The following IDE variants were observed in gnomAD, a reference collection of about 807,000 sequenced individuals.
IDE encodes insulin-degrading enzyme.
A neutral mutation model predicts 133.2 loss-of-function variants in IDE; 58 were observed. The observed-to-expected ratio is 0.44, with a 90% CI of 0.35 to 0.54. The LOEUF is 0.54. IDE is among the 20% of genes least tolerant of loss of function. IDE has a pLI of 0.00. For missense variants in IDE, 981 were observed against 1,234.0 expected, an observed-to-expected ratio of 0.79 and a Z score of 3.07; for synonymous variants, 396 against 421.3, an observed-to-expected ratio of 0.94 and a Z score of 0.73.
chr10:92,485,857 G>C (rs1446675310), intron 13 of IDE, among the ~76,000 whole-genome samples: 4 of 151,942 alleles, frequency 2.6e-5, no homozygotes, highest in Non-Finnish European at 5.9e-5. Flanking sequence ...CCAGAAGATG[G>C]TTTGAACCCA....
Position 92,489,647 on chromosome 10 carries a change from C to T in IDE, c.1533+846G>A, listed in dbSNP as rs112307342. Among the ~76,000 whole-genome samples the T allele has an allele frequency of 8.7e-3, 1,326 of 152,288 alleles. 21 individuals are homozygous for T. Among genetic ancestry groups the T allele is most frequent in the African/African-American group, 0.031 (1,268 of 41,556 alleles). On this transcript the variant is annotated intron_variant, in intron 12 of 24. Transcript: ENST00000265986. ...CCAGCACTAATTCATGGAAGATCAG[C>T]TTTCCTCTCAGTTTAGAGAGATGGA...
intron 4 of IDE, among the ~76,000 whole-genome samples, chr10:92,524,433 T>A (rs1225787649): frequency 3.9e-4 from 12 of 30,768 alleles, no homozygotes; most frequent in East Asian, 1.7e-3. Flanking sequence ...ATAATATATT[T>A]TATATAATAT....
intron 17 of IDE, 25 bp from the exon 18 acceptor site, chr10:92,470,370 T>G: frequency 6.8e-7 from 1 of 1,473,662 alleles, no homozygotes; most frequent in Non-Finnish European, 9.3e-7. Flanking sequence ...GAAGACATAG[T>G]GAGCGCTACC....
At chr10:92,515,180 A>C in intron 4 of IDE, 138 bp from the exon 5 acceptor site, 1 of 657,726 alleles carries the variant, frequency 1.5e-6, no homozygotes, top group South Asian at 2.2e-5. Flanking sequence ...ATTTATTTGA[A>C]TGTTAAGTGA....
chr10:92,559,447 A>AATACT (rs1476425927), intron 1 of IDE, among the ~76,000 whole-genome samples: 59 of 152,344 alleles, frequency 3.9e-4, no homozygotes, highest in African/African-American at 1.4e-3. Flanking sequence ...ACTAAAAAGG[A>AATACT]ATGAAGTACT....
rs769658337 is a variant in IDE, at chr10:92,547,238, TA to T, written c.99-9689del. Among the ~76,000 whole-genome samples the T allele has an allele frequency of 1.1e-3, 116 of 110,410 alleles. 1 individual carries two copies. Among genetic ancestry groups the T allele is most frequent in the Non-Finnish European group, 1.8e-3 (98 of 53,218 alleles). The allele number at this position is 110,410 out of a possible 152,430, so 72.4% of individuals were successfully genotyped here. ...ACAGGCATACGCCACCATGCCCGGC[TA>T]ATTTTTTGTATTTTTTTTTTTTTTT... is the stretch of plus-strand genomic sequence containing the variant. On this transcript the variant is annotated intron_variant, in intron 1 of 24. Transcript: ENST00000265986.
At chr10:92,561,383 T>C (rs1472215171) in intron 1 of IDE, among the ~76,000 whole-genome samples, 7 of 152,170 alleles carry the variant, frequency 4.6e-5, no homozygotes, top group Non-Finnish European at 8.8e-5. Context: ...ATAGTTGCCA[T>C]AAGGATCAAA....
chr10:92,573,063 G>A (rs1328435398), intron 1 of IDE: 5 of 985,312 alleles, frequency 5.1e-6, no homozygotes, highest in Admixed American at 6.1e-5. Context: ...ACCAGCAGGG[G>A]TTCAAATAAC....
chr10:92,531,893 G>T lies in IDE; in HGVS notation c.516C>A (p.Pro172=). The change falls in exon 4 of 25, where the codon CCC becomes CCA. Residue 172 remains proline (P), a synonymous_variant. Transcript: ENST00000265986. ...LDRFAQFFLC[P]LFDESCKDRE... ...TGTCTTTGCAACTTTCATCGAACAA[G>T]GGGCACAGAAAAAACTGTGCAAACC... 6.4e-7 allele frequency: 1 copy of T among 1,557,218 alleles called. No homozygotes were observed. Among genetic ancestry groups the T allele is most frequent in the Non-Finnish European group, 8.7e-7 (1 of 1,146,610 alleles).
chr10:92,487,439 A>G, intron 12 of IDE, 121 bp from the exon 13 acceptor site: 1 of 855,322 alleles, frequency 1.2e-6, no homozygotes, highest in Non-Finnish European at 1.8e-6. Context: ...ATTGTTTTCC[A>G]TCATATATAA....
intron 3 of IDE, among the ~76,000 whole-genome samples, chr10:92,532,561 T>C (rs1160255249): frequency 2.6e-5 from 4 of 152,194 alleles, no homozygotes; most frequent in Admixed American, 1.3e-4. Context: ...AAAATTTTAA[T>C]AAGCAGTGAT....
chr10:92,523,323 G>A (rs1032976115), intron 4 of IDE, among the ~76,000 whole-genome samples: 10 of 152,038 alleles, frequency 6.6e-5, no homozygotes, highest in Admixed American at 3.9e-4. Context: ...GGAAGCTGTA[G>A]TGAGCCGAGA....
chr10:92,565,230 C>A (rs1407820402), intron 1 of IDE, among the ~76,000 whole-genome samples: 1 of 138,462 alleles, frequency 7.2e-6, no homozygotes, highest in Non-Finnish European at 1.5e-5. Flanking sequence ...GGTGACAGAG[C>A]GAGACTCTGT....
At chr10:92,517,531 CAG>C (rs1249345299) in intron 4 of IDE, among the ~76,000 whole-genome samples, 2 of 152,196 alleles carry the variant, frequency 1.3e-5, no homozygotes, top group African/African-American at 4.8e-5. Context: ...CCTCAGCCTC[CAG>C]AGTAGCTGGG....
intron 13 of IDE, among the ~76,000 whole-genome samples, chr10:92,485,600 T>A (rs893976601): frequency 6.6e-6 from 1 of 152,114 alleles, no homozygotes; most frequent in South Asian, 2.1e-4. Flanking sequence ...GGAAGAGATA[T>A]AAATGGTTTA....
chr10:92,492,116 C>G (rs901012000), intron 11 of IDE, among the ~76,000 whole-genome samples: 2 of 151,488 alleles, frequency 1.3e-5, no homozygotes, highest in African/African-American at 4.8e-5. Flanking sequence ...AAAAATTAGC[C>G]GGGTGTGGTG....
chr10:92,531,410 C>A (rs1334833463), intron 4 of IDE, among the ~76,000 whole-genome samples: 1 of 152,088 alleles, frequency 6.6e-6, no homozygotes, highest in East Asian at 1.9e-4. Context: ...GTGGATTCAA[C>A]AATACTACAG....
chr10:92,468,738 T>C (rs1268757793), intron 19 of IDE, 141 bp downstream of exon 19: 3 of 506,918 alleles, frequency 5.9e-6, no homozygotes, highest in Non-Finnish European at 1.0e-5. Context: ...GAATTACCTA[T>C]CTCTAATCAT....
At chr10:92,490,011 T>C (rs1050594195) in intron 12 of IDE, among the ~76,000 whole-genome samples, 11 of 152,220 alleles carry the variant, frequency 7.2e-5, no homozygotes, top group Non-Finnish European at 2.9e-5. Flanking sequence ...TTAACATACC[T>C]TTTCTGAAAA....
Sources: gnomAD v4.1 joint callset for allele counts (sites outside exome capture counted in the v4.1 genomes callset) on GRCh38, gnomAD v4.1.1 for gene constraint, MANE v1.5 for transcripts, NCBI Gene and HGNC (gene_info 2026-07-23, HGNC 2026-07-21) for gene names.